The following ACYP2 variants were observed in gnomAD, a reference collection of about 807,000 sequenced individuals.
ACYP2 encodes the protein acylphosphatase-2.
ACYP2 carries 12 observed loss-of-function variants against 11.2 expected under a neutral mutation model. The ratio of observed to expected loss-of-function variants is 1.08; its 90% CI spans 0.69 to 1.74. ACYP2 has a LOEUF of 1.74. Among genes scored for constraint, ACYP2 ranks in the 40% most tolerant of loss-of-function variants. The pLI is 0.00. For synonymous variants in ACYP2, 43 were observed against 32.2 expected (o/e 1.33, Z -1.13); for missense variants, 134 against 101.9 (o/e 1.31, Z -1.35).
At chr2:54,167,367 T>A (rs1215155) in intron 6 of ACYP2, among the ~76,000 whole-genome samples, 2,687 of 152,308 alleles carry the variant, frequency 0.018, 39 homozygotes, top group Non-Finnish European at 0.025. Flanking sequence ...TCTCCTCTGA[T>A]ACATTTATAA....
At chr2:54,144,539 T>G (rs376028966) in intron 6 of ACYP2, among the ~76,000 whole-genome samples, 4 of 151,982 alleles carry the variant, frequency 2.6e-5, no homozygotes, top group African/African-American at 9.7e-5. Flanking sequence ...CCAGGCGTGG[T>G]GGTACACACC....
intron 4 of ACYP2, chr2:54,065,475 T>C: frequency 2.5e-6 from 1 of 398,648 alleles, no homozygotes; most frequent in Non-Finnish European, 4.4e-6. Context: ...GACTCTGAAT[T>C]CAGACCATGT....
intron 6 of ACYP2, among the ~76,000 whole-genome samples, chr2:54,148,938 G>A (rs987626044): frequency 9.2e-5 from 14 of 152,126 alleles, no homozygotes; most frequent in East Asian, 3.9e-4. Flanking sequence ...GGCAAAAACC[G>A]CAATTACTTT....
intron 6 of ACYP2, among the ~76,000 whole-genome samples, chr2:54,159,649 CTG>C (rs1036308362): frequency 7.2e-5 from 11 of 152,078 alleles, no homozygotes; most frequent in African/African-American, 2.2e-4. Context: ...TCCAGTCTAA[CTG>C]GGGTGAGAGA....
chr2:54,115,132 G>A (rs963827982), intron 4 of ACYP2, among the ~76,000 whole-genome samples: 1 of 152,168 alleles, frequency 6.6e-6, no homozygotes, highest in Non-Finnish European at 1.5e-5. Flanking sequence ...CTAACATGGT[G>A]ACTGCGATAA....
chr2:54,067,073 A>C (rs765593071), intron 4 of ACYP2, among the ~76,000 whole-genome samples: 3 of 152,226 alleles, frequency 2.0e-5, no homozygotes, highest in Non-Finnish European at 4.4e-5. Flanking sequence ...TGTAACATTT[A>C]TGTGGAATAA....
chr2:53,998,372 A>G (rs1672666466), intron 2 of ACYP2, among the ~76,000 whole-genome samples: 1 of 152,186 alleles, frequency 6.6e-6, no homozygotes, highest in African/African-American at 2.4e-5. Flanking sequence ...GATCAGGGGA[A>G]GGGTTTTGTT....
At position 54,193,258 on chromosome 2, in the gene ACYP2, G is replaced by A. The variant is rs569148529; in HGVS notation, c.404+54510G>A. On this transcript the variant is annotated intron_variant, in intron 6 of 6. Transcript: ENST00000607452. ...TTTTGTTCTAATAACAGAAGAAGAA[G>A]TGGTAACATTTGCTGAATACTTATG... Among the ~76,000 whole-genome samples the A allele has an allele frequency of 5.9e-5, 9 of 152,276 alleles. No individual in the cohort carries two copies. In the South Asian group the frequency reaches 1.9e-3, roughly 32 times the overall value.
chr2:54,083,709 C>A (rs57056959), intron 4 of ACYP2, among the ~76,000 whole-genome samples: 6 of 152,074 alleles, frequency 3.9e-5, no homozygotes, highest in African/African-American at 1.2e-4. Context: ...CCCCATCCCC[C>A]CAAAGGCACA....
At chr2:54,135,361 T>C in intron 4 of ACYP2, 92 bp from the exon 2 acceptor site, 1 of 1,182,980 alleles carries the variant, frequency 8.5e-7, no homozygotes, top group Non-Finnish European at 1.2e-6. Flanking sequence ...CAAGGATAAA[T>C]GGGGACCACC....
intron 6 of ACYP2, among the ~76,000 whole-genome samples, chr2:54,276,619 T>TCACACACACACACACACA (rs3071186): frequency 6.8e-6 from 1 of 146,108 alleles, no homozygotes; most frequent in South Asian, 2.3e-4. Context: ...GATTGTTCTT[T>TCACACACACACACACACA]CACACACACA....
At chr2:54,114,742 TAC>T (rs1417454776) in intron 4 of ACYP2, among the ~76,000 whole-genome samples, 1 of 152,294 alleles carries the variant, frequency 6.6e-6, no homozygotes, top group Non-Finnish European at 1.5e-5. Flanking sequence ...ACAAGATGAC[TAC>T]AGTGTTTTTC....
intron 2 of ACYP2, among the ~76,000 whole-genome samples, chr2:54,036,809 C>A (rs1432273670): frequency 1.3e-5 from 2 of 152,094 alleles, no homozygotes; most frequent in Admixed American, 1.3e-4. Flanking sequence ...GGGCCTACAC[C>A]CAGGACATTG....
chr2:54,145,710 G>C (rs992282143), intron 6 of ACYP2, among the ~76,000 whole-genome samples: 1 of 151,940 alleles, frequency 6.6e-6, no homozygotes, highest in Non-Finnish European at 1.5e-5. Flanking sequence ...ATCAATACTT[G>C]ACAATATTTT....
chr2:54,253,581 T>C (rs1005443333), intron 6 of ACYP2: 9 of 152,208 alleles, frequency 5.9e-5, no homozygotes, highest in Non-Finnish European at 1.3e-4. Flanking sequence ...TCTACGTGCA[T>C]ACTAAAAAAA....
rs1553352356 is a variant in ACYP2 at position 54,004,909 on chromosome 2, A to AAAAAC, written c.62+31103_62+31104insCAAAA. On this transcript the variant is annotated intron_variant, in intron 2 of 6. Coordinates refer to ENST00000607452, the MANE Select transcript of ACYP2 (RefSeq NM_001320586.2). Reference sequence around the variant, plus strand: ...GACTCTGTCTCAAAAAAAAAAAAAAAAAAAAACAAAAGAAAGAAAAGAAAA... The same window carrying AAAAAC: ...GACTCTGTCTCAAAAAAAAAAAAAAAAAAACAAAAAACAAAAGAAAGAAAAGAAAA... Among the ~76,000 whole-genome samples, 421 of 140,372 alleles carry AAAAAC rather than the reference A, an allele frequency of 3.0e-3. 5 individuals carry two copies. The highest frequency in any genetic ancestry group is 0.011 in the African/African-American group (397 of 37,790). 92.1% of individuals were successfully genotyped at this position (140,372 alleles called of 152,430 possible).
At chr2:54,007,405 C>T (rs1673133335) in intron 2 of ACYP2, among the ~76,000 whole-genome samples, 1 of 151,878 alleles carries the variant, frequency 6.6e-6, no homozygotes, top group South Asian at 2.1e-4. Context: ...AGGCATGTGC[C>T]ACCATGCCTG....
intron 4 of ACYP2, among the ~76,000 whole-genome samples, chr2:54,096,471 C>G (rs914027664): frequency 6.6e-6 from 1 of 152,060 alleles, no homozygotes; most frequent in Non-Finnish European, 1.5e-5. Flanking sequence ...CTTTGGGAGG[C>G]CAAGGCAGGC....
chr2:54,014,349 A>G (rs556662205), intron 2 of ACYP2, among the ~76,000 whole-genome samples: 1 of 151,808 alleles, frequency 6.6e-6, no homozygotes, highest in African/African-American at 2.4e-5. Context: ...TTTTGAGATG[A>G]AGTCTCACTT....
Sources: allele counts gnomAD v4.1 joint callset (sites outside exome capture counted in the v4.1 genomes callset), GRCh38; gene constraint gnomAD v4.1.1; transcripts MANE v1.5; gene names NCBI Gene and HGNC (gene_info 2026-07-23, HGNC 2026-07-21).